Variants in OSBPL10 observed in about 807,000 individuals in gnomAD.
The protein encoded by OSBPL10 is oxysterol-binding protein-related protein 10.
Under a neutral mutation model 81.7 loss-of-function variants are expected in OSBPL10, and 49 were observed. The observed-to-expected ratio is 0.60, with a 90% CI of 0.48 to 0.76. The LOEUF (loss-of-function observed/expected upper bound fraction) is 0.76. OSBPL10 is among the 30% of genes least tolerant of loss of function. OSBPL10 has a pLI of 0.00. For missense variants in OSBPL10, 923 were observed against 987.8 expected (o/e 0.93, Z 0.88); for synonymous variants, 419 against 383.6 (o/e 1.09, Z -1.08).
intron 4 of OSBPL10, among the ~76,000 whole-genome samples, chr3:31,789,927 T>C (rs1234166452): frequency 1.3e-5 from 2 of 151,888 alleles, no homozygotes; most frequent in Non-Finnish European, 2.9e-5. Context: ...TACTTTGATG[T>C]CCACTACAAT....
chr3:31,719,720 A>G (rs753145930), intron 6 of OSBPL10, among the ~76,000 whole-genome samples: 3 of 152,170 alleles, frequency 2.0e-5, no homozygotes, highest in Non-Finnish European at 2.9e-5. Flanking sequence ...CCACTGCCGG[A>G]AAGTTTCCCT....
At chr3:31,761,960 A>C (rs1341244453) in intron 4 of OSBPL10, among the ~76,000 whole-genome samples, 6 of 152,120 alleles carry the variant, frequency 3.9e-5, no homozygotes, top group Non-Finnish European at 8.8e-5. Context: ...AGTCCTAAGC[A>C]AAGGGAGGGC....
At chr3:32,029,873 T>C (rs995612776) in intron 2 of OSBPL10, among the ~76,000 whole-genome samples, 1 of 152,186 alleles carries the variant, frequency 6.6e-6, no homozygotes, top group Non-Finnish European at 1.5e-5. Flanking sequence ...ATGTCTCTCA[T>C]AGCTCCAAGC....
chr3:31,822,913 T>A (rs1463349687), intron 4 of OSBPL10, among the ~76,000 whole-genome samples: 71 of 89,086 alleles, frequency 8.0e-4, no homozygotes, highest in Admixed American at 9.0e-4. Flanking sequence ...CCCCCAACTC[T>A]AAAAAAAAAA....
At chr3:31,827,216 C>T (rs1016654353) in intron 4 of OSBPL10, among the ~76,000 whole-genome samples, 1 of 151,898 alleles carries the variant, frequency 6.6e-6, no homozygotes, top group Admixed American at 6.6e-5. Context: ...CCTGGCTTCA[C>T]CTAATTATTT....
At chr3:31,905,375 A>G (rs1171833661) in intron 1 of OSBPL10, among the ~76,000 whole-genome samples, 2 of 81,912 alleles carry the variant, frequency 2.4e-5, no homozygotes, top group East Asian at 1.0e-3. Context: ...TTTTAGACGG[A>G]CTCCCGTTCT....
intron 1 of OSBPL10, among the ~76,000 whole-genome samples, chr3:31,909,982 C>CTTTTT (rs563373548): frequency 7.7e-6 from 1 of 129,304 alleles, no homozygotes; most frequent in South Asian, 2.6e-4. Context: ...GTCTCCTGGC[C>CTTTTT]TTTTTTTTTT....
At chr3:31,851,674 G>C (rs4955213) in intron 3 of OSBPL10, among the ~76,000 whole-genome samples, 38,900 of 152,126 alleles carry the variant, frequency 0.26, 5,367 homozygotes, top group Admixed American at 0.38. Context: ...ATTTCCGAAA[G>C]ATGTGATTTG....
intron 2 of OSBPL10, among the ~76,000 whole-genome samples, chr3:32,030,962 T>C (rs894161272): frequency 2.0e-5 from 3 of 151,974 alleles, no homozygotes; most frequent in Admixed American, 2.0e-4. Flanking sequence ...GGTCAGGAGT[T>C]CGAGACCAGC....
chr3:31,985,156 T>A (rs1430939940), upstream of OSBPL10, among the ~76,000 whole-genome samples: 1 of 152,156 alleles, frequency 6.6e-6, no homozygotes, highest in Non-Finnish European at 1.5e-5. Context: ...GGAAAATCGC[T>A]TGAACCCAGA....
intron 3 of OSBPL10, among the ~76,000 whole-genome samples, chr3:31,831,752 G>A (rs1483816576): frequency 6.6e-6 from 1 of 152,160 alleles, no homozygotes; most frequent in Admixed American, 6.5e-5. Flanking sequence ...TCTGTCAACA[G>A]GGCCACAGAG....
chr3:31,826,228 T>C (rs1178792043), intron 4 of OSBPL10, among the ~76,000 whole-genome samples: 1 of 152,196 alleles, frequency 6.6e-6, no homozygotes, highest in Non-Finnish European at 1.5e-5. Context: ...AAAGACAATC[T>C]GCAGCACAGT....
intron 3 of OSBPL10, among the ~76,000 whole-genome samples, chr3:31,868,544 T>C (rs1243874126): frequency 2.0e-5 from 3 of 152,048 alleles, no homozygotes; most frequent in Non-Finnish European, 4.4e-5. Flanking sequence ...AGGGAGAAGA[T>C]ACTAAAGCCC....
chr3:31,764,810 C>T (rs1450548611), intron 4 of OSBPL10, among the ~76,000 whole-genome samples: 1 of 152,114 alleles, frequency 6.6e-6, no homozygotes, highest in Non-Finnish European at 1.5e-5. Context: ...TCTATATGAT[C>T]GTGGGATAAA....
At chr3:31,999,310 A>G (rs1295342432) in intron 2 of OSBPL10, among the ~76,000 whole-genome samples, 1 of 151,558 alleles carries the variant, frequency 6.6e-6, no homozygotes, top group Non-Finnish European at 1.5e-5. Context: ...TTTTCAATGA[A>G]TGTGATTATT....
chr3:31,866,381 C>G (rs899323252), intron 3 of OSBPL10, among the ~76,000 whole-genome samples: 1 of 152,204 alleles, frequency 6.6e-6, no homozygotes, highest in African/African-American at 2.4e-5. Flanking sequence ...TATCCACACA[C>G]TCCTGTGCAC....
intron 2 of OSBPL10, among the ~76,000 whole-genome samples, chr3:32,019,682 A>G (rs968698376): frequency 2.6e-5 from 4 of 152,210 alleles, no homozygotes; most frequent in African/African-American, 9.6e-5. Context: ...AATTTTTTTA[A>G]AAAAGATTCA....
intron 2 of OSBPL10, among the ~76,000 whole-genome samples, chr3:32,024,659 A>G (rs1699388064): frequency 6.6e-6 from 1 of 151,758 alleles, no homozygotes; most frequent in Admixed American, 6.6e-5. Context: ...GAATTTTTGT[A>G]TTTTTAGTAG....
chr3:31,912,439 CG>C (rs1220161612), intron 1 of OSBPL10, among the ~76,000 whole-genome samples: 1 of 151,058 alleles, frequency 6.6e-6, no homozygotes, highest in Admixed American at 6.6e-5. Flanking sequence ...GTCACGGGGT[CG>C]GGGGGCGGAC....
Sources: gnomAD v4.1 joint callset for allele counts (sites outside exome capture counted in the v4.1 genomes callset) on GRCh38, gnomAD v4.1.1 for gene constraint, MANE v1.5 for transcripts, NCBI Gene and HGNC (gene_info 2026-07-23, HGNC 2026-07-21) for gene names.